Variants in PLCL2 observed in about 807,000 individuals in gnomAD.
PLCL2 encodes inactive phospholipase C-like protein 2.
In PLCL2, 4 loss-of-function variants were observed where a neutral mutation model predicts 79.6. The ratio of observed to expected loss-of-function variants is 0.05; its 90% CI spans 0.02 to 0.11. The LOEUF (loss-of-function observed/expected upper bound fraction) is 0.11. Ranked by LOEUF, PLCL2 falls within the 10% of genes least tolerant of loss-of-function variation. The probability of loss-of-function intolerance (pLI) is 1.00; values close to 1 mark genes in which losing one functional copy is unlikely to be tolerated. For synonymous variants in PLCL2, 484 were observed against 457.7 expected, an observed-to-expected ratio of 1.06 and a Z score of -0.73; for missense variants, 895 against 1,291.0, an observed-to-expected ratio of 0.69 and a Z score of 4.70.
intron 1 of PLCL2, among the ~76,000 whole-genome samples, chr3:17,005,554 G>A (rs764886703): frequency 2.0e-5 from 3 of 152,140 alleles, no homozygotes; most frequent in Admixed American, 2.0e-4. Flanking sequence ...GGCTATTTAT[G>A]TTTTTAATGC....
chr3:16,901,325 G>A (rs1696614262), intron 1 of PLCL2, among the ~76,000 whole-genome samples: 1 of 152,212 alleles, frequency 6.6e-6, no homozygotes, highest in South Asian at 2.1e-4. Context: ...ATGTGACCCA[G>A]TGGGGAGCTG....
At chr3:17,032,908 C>T (rs78277537) in intron 3 of PLCL2, among the ~76,000 whole-genome samples, 4,345 of 152,082 alleles carry the variant, frequency 0.029, 228 homozygotes, top group African/African-American at 0.1. Context: ...AAATATGGCC[C>T]GCTTCTAAGT....
chr3:16,891,330 A>G (rs1696344364), intron 1 of PLCL2, among the ~76,000 whole-genome samples: 1 of 152,208 alleles, frequency 6.6e-6, no homozygotes, highest in South Asian at 2.1e-4. Flanking sequence ...GAGATGATTG[A>G]TGTGTGAGCA....
chr3:16,997,944 A>ATTGT (rs1387562582), intron 1 of PLCL2, among the ~76,000 whole-genome samples: 1 of 152,228 alleles, frequency 6.6e-6, no homozygotes, highest in Non-Finnish European at 1.5e-5. Context: ...AAGTGATCAC[A>ATTGT]TAATAAATTG....
intron 1 of PLCL2, among the ~76,000 whole-genome samples, chr3:16,954,013 G>A (rs544590001): frequency 6.6e-6 from 1 of 151,598 alleles, no homozygotes; most frequent in South Asian, 2.1e-4. Context: ...ATACATTTTT[G>A]TTTGTTTGTT....
chr3:16,951,533 A>G (rs2063652044), intron 1 of PLCL2, among the ~76,000 whole-genome samples: 1 of 151,890 alleles, frequency 6.6e-6, no homozygotes. Context: ...TTATTGCTAT[A>G]TTAATTTCTC....
intron 3 of PLCL2, among the ~76,000 whole-genome samples, chr3:17,029,895 C>A (rs941019842): frequency 1.3e-5 from 2 of 152,148 alleles, no homozygotes; most frequent in Admixed American, 1.3e-4. Flanking sequence ...GCTCCCAGGG[C>A]AACAGAAGAT....
chr3:16,957,706 G>T (rs1199196898), intron 1 of PLCL2, among the ~76,000 whole-genome samples: 1 of 152,060 alleles, frequency 6.6e-6, no homozygotes, highest in Non-Finnish European at 1.5e-5. Context: ...TATGAATCTG[G>T]GTGCTCCTGT....
intron 3 of PLCL2, among the ~76,000 whole-genome samples, chr3:17,019,622 G>A (rs1446197945): frequency 6.6e-6 from 1 of 151,954 alleles, no homozygotes; most frequent in Non-Finnish European, 1.5e-5. Flanking sequence ...CTTATTTTTT[G>A]TTCTTGTGCC....
At chr3:16,975,379 T>TG (rs1559504730) in intron 1 of PLCL2, among the ~76,000 whole-genome samples, 1 of 152,182 alleles carries the variant, frequency 6.6e-6, no homozygotes, top group Non-Finnish European at 1.5e-5. Context: ...CATTGCTCTT[T>TG]TAGTTAGTAG....
At chr3:16,976,782 A>T (rs988270899) in intron 1 of PLCL2, among the ~76,000 whole-genome samples, 2 of 152,186 alleles carry the variant, frequency 1.3e-5, no homozygotes, top group African/African-American at 2.4e-5. Context: ...TATTTATTTC[A>T]ATCTTTAGCT....
chr3:16,907,549 G>A (rs1209443747), intron 1 of PLCL2, among the ~76,000 whole-genome samples: 6 of 152,194 alleles, frequency 3.9e-5, no homozygotes, highest in African/African-American at 1.4e-4. Flanking sequence ...GCATTATGAT[G>A]CCCAGTTCCC....
At chr3:17,026,361 T>G (rs148341657) in intron 3 of PLCL2, among the ~76,000 whole-genome samples, 82 of 152,318 alleles carry the variant, frequency 5.4e-4, no homozygotes, top group Non-Finnish European at 1.1e-3. Context: ...CCTACCACAT[T>G]AGTATTAGTC....
At chr3:17,052,046 A>G (rs13058764) in intron 4 of PLCL2, among the ~76,000 whole-genome samples, 89,974 of 151,854 alleles carry the variant, frequency 0.59, 27,108 homozygotes, top group African/African-American at 0.7. Flanking sequence ...GAGAACCCCC[A>G]ATAGAGAGGA....
intron 1 of PLCL2, among the ~76,000 whole-genome samples, chr3:16,956,277 T>C (rs144223381): frequency 0.15 from 22,203 of 151,572 alleles, 601 homozygotes; most frequent in Non-Finnish European, 0.19. Flanking sequence ...TCTGCATCTA[T>C]TGAGATAATC....
intron 1 of PLCL2, among the ~76,000 whole-genome samples, chr3:16,894,440 A>G (rs1458988519): frequency 6.6e-6 from 1 of 152,224 alleles, no homozygotes; most frequent in African/African-American, 2.4e-5. Context: ...CTATACATTA[A>G]AAATAATATT....
intron 4 of PLCL2, among the ~76,000 whole-genome samples, chr3:17,055,965 A>G (rs550410392): frequency 1.3e-5 from 2 of 152,284 alleles, no homozygotes; most frequent in Non-Finnish European, 2.9e-5. Context: ...AGGGGAGGGA[A>G]GTTTTGGGGA....
chr3:16,976,934 C>T (rs1196296786), intron 1 of PLCL2, among the ~76,000 whole-genome samples: 1 of 152,140 alleles, frequency 6.6e-6, no homozygotes, highest in Non-Finnish European at 1.5e-5. Context: ...GGCTGGGGCC[C>T]ATCTAAATAC....
intron 1 of PLCL2, among the ~76,000 whole-genome samples, chr3:16,980,252 G>A (rs1324738707): frequency 7.0e-6 from 1 of 143,368 alleles, no homozygotes; most frequent in Non-Finnish European, 1.5e-5. Context: ...GCCGGATGGG[G>A]CGGCTGGCCG....
Sources: allele counts gnomAD v4.1 joint callset (sites outside exome capture counted in the v4.1 genomes callset), GRCh38; gene constraint gnomAD v4.1.1; transcripts MANE v1.5; gene names NCBI Gene and HGNC (gene_info 2026-07-23, HGNC 2026-07-21).